The following CDC73 variants were observed in gnomAD, a reference collection of about 807,000 sequenced individuals.
CDC73 encodes parafibromin.
A neutral mutation model predicts 83.7 loss-of-function variants in CDC73; 21 were observed. The ratio of observed to expected loss-of-function variants is 0.25; its 90% CI spans 0.18 to 0.36. CDC73 has a LOEUF of 0.36. Among genes scored for constraint, CDC73 ranks in the 10% least tolerant of loss-of-function variants. The probability of loss-of-function intolerance (pLI) is 1.00; values close to 1 mark genes in which losing one functional copy is unlikely to be tolerated. For synonymous variants in CDC73, 224 were observed against 212.9 expected, an observed-to-expected ratio of 1.05 and a Z score of -0.45; for missense variants, 342 against 653.3, an observed-to-expected ratio of 0.52 and a Z score of 5.19.
intron 15 of CDC73, among the ~76,000 whole-genome samples, chr1:193,243,120 A>G (rs774011073): frequency 1.3e-5 from 2 of 151,666 alleles, no homozygotes; most frequent in South Asian, 2.1e-4. Flanking sequence ...TAATTTTTCT[A>G]TTTGTAGTAG....
chr1:193,145,255 A>G (rs1675976558), intron 7 of CDC73, among the ~76,000 whole-genome samples: 1 of 152,172 alleles, frequency 6.6e-6, no homozygotes, highest in Admixed American at 6.5e-5. Flanking sequence ...TCCATGTTGC[A>G]TTAACCTTTA....
chr1:193,170,693 T>C lies in CDC73; in HGVS notation c.972+18249T>C, dbSNP rs145467851. ...GGATATTTGACCTTTGTTGGATGCATAGTTTGCAAAAATTTTCCCATATTT... is the reference window on the plus strand; with the variant it reads ...GGATATTTGACCTTTGTTGGATGCACAGTTTGCAAAAATTTTCCCATATTT... On this transcript the variant is annotated intron_variant, in intron 10 of 16. Coordinates refer to ENST00000367435, the MANE Select transcript of CDC73 (RefSeq NM_024529.5). Among the ~76,000 whole-genome samples, 277 of 152,336 alleles carry C rather than the reference T, an allele frequency of 1.8e-3. 3 individuals carry two copies. The highest frequency in any genetic ancestry group is 2.6e-4 in the Non-Finnish European group (18 of 68,024).
At chr1:193,194,263 G>A (rs1476762559) in intron 10 of CDC73, among the ~76,000 whole-genome samples, 1 of 152,096 alleles carries the variant, frequency 6.6e-6, no homozygotes, top group African/African-American at 2.4e-5. Flanking sequence ...AGCAGAATTG[G>A]ACCTTTGAGG....
At chr1:193,229,420 A>C (rs1677618479) in intron 13 of CDC73, among the ~76,000 whole-genome samples, 1 of 152,252 alleles carries the variant, frequency 6.6e-6, no homozygotes, top group African/African-American at 2.4e-5. Flanking sequence ...CTCTGCCCTC[A>C]CAAATAGGAT....
At chr1:193,172,307 T>C (rs1676529855) in intron 10 of CDC73, among the ~76,000 whole-genome samples, 1 of 151,916 alleles carries the variant, frequency 6.6e-6, no homozygotes, top group Non-Finnish European at 1.5e-5. Flanking sequence ...CCAACTGATT[T>C]ATAACAGCAT....
At chr1:193,219,599 G>A (rs1677431360) in intron 13 of CDC73, among the ~76,000 whole-genome samples, 1 of 152,134 alleles carries the variant, frequency 6.6e-6, no homozygotes, top group African/African-American at 2.4e-5. Context: ...CAACATGGAT[G>A]CAGCTGGAAG....
chr1:193,217,162 C>T (rs1677382204), intron 13 of CDC73, among the ~76,000 whole-genome samples: 3 of 152,168 alleles, frequency 2.0e-5, no homozygotes, highest in East Asian at 3.9e-4. Context: ...GCTGAAACCT[C>T]TAGGGGAGCA....
intron 10 of CDC73, among the ~76,000 whole-genome samples, chr1:193,195,415 T>G (rs1572190631): frequency 6.6e-6 from 1 of 152,184 alleles, no homozygotes; most frequent in African/African-American, 2.4e-5. Context: ...TTCATTAGAG[T>G]TATTCCTACT....
At chr1:193,202,270 C>G (rs1489831825) in intron 10 of CDC73, among the ~76,000 whole-genome samples, 1 of 152,018 alleles carries the variant, frequency 6.6e-6, no homozygotes, top group East Asian at 1.9e-4. Context: ...TATTATGCTC[C>G]AGGTACTGGA....
intron 15 of CDC73, among the ~76,000 whole-genome samples, chr1:193,247,107 A>AT (rs1022061911): frequency 9.2e-5 from 14 of 151,726 alleles, no homozygotes; most frequent in East Asian, 7.7e-4. Context: ...GCTTTGCAGA[A>AT]TTTTTTTTTG....
At position 193,191,578 on chromosome 1, in the gene CDC73, C is replaced by T. The variant is rs543820184; in HGVS notation, c.973-12217C>T. Among the ~76,000 whole-genome samples, 21 of 151,974 alleles carry T rather than the reference C, an allele frequency of 1.4e-4. 1 individual carries two copies. Among genetic ancestry groups the T allele is most frequent in the Admixed American group, 1.0e-3 (16 of 15,248 alleles). On this transcript the variant is annotated intron_variant, in intron 10 of 16. Coordinates refer to ENST00000367435, the MANE Select transcript of CDC73 (RefSeq NM_024529.5). ...AATTTTTGTATTTTTAGTAGAGTCG[C>T]GGTTTCGTCATGTTGCAGGCTGGTC...
In CDC73 at chr1:193,135,470, AT is replaced by A. The variant is rs1558282385; in HGVS notation, c.370+20del. On this transcript the variant is annotated intron_variant, in intron 4 of 16. Transcript: ENST00000367435. ...CTACTCAAGGTATGTCTTGTTGCAT[AT>A]TTATATTGAACTTTCAGAAGCCCAT... 1 of 1,611,412 alleles carries A rather than the reference AT, an allele frequency of 6.2e-7. No homozygotes were observed. The highest frequency in any genetic ancestry group is 1.3e-5 in the African/African-American group (1 of 74,976).
At chr1:193,237,868 A>C (rs902878551) in intron 15 of CDC73, among the ~76,000 whole-genome samples, 6 of 152,196 alleles carry the variant, frequency 3.9e-5, no homozygotes, top group Non-Finnish European at 8.8e-5. Context: ...GGGCCCGGCA[A>C]CTGACATTAT....
chr1:193,179,239 A>G (rs563044855), intron 10 of CDC73: 1 of 152,322 alleles, frequency 6.6e-6, no homozygotes, highest in Admixed American at 6.5e-5. Context: ...CACTCCAAGA[A>G]AGAAATAGGT....
At chr1:193,232,573 A>C (rs1242621466) in intron 13 of CDC73, among the ~76,000 whole-genome samples, 2 of 152,192 alleles carry the variant, frequency 1.3e-5, no homozygotes, top group Non-Finnish European at 2.9e-5. Flanking sequence ...TTTATTTAAA[A>C]ACAAACATCT....
chr1:193,232,479 A>C (rs556100381), intron 13 of CDC73, among the ~76,000 whole-genome samples: 3 of 152,108 alleles, frequency 2.0e-5, no homozygotes, highest in African/African-American at 7.2e-5. Flanking sequence ...CACACACCCA[A>C]CTTAGGGTCT....
Position 193,122,172 on chromosome 1 carries a change from C to G in CDC73, c.-29C>G. ...CAGGCGCGGCGGCAGCGGCGGCGCC[C>G]CGAGCCGGCGGAGGCGAGGGGGGGG... On this transcript the variant is annotated 5_prime_UTR_variant, in exon 1 of 17. Coordinates refer to ENST00000367435, the MANE Select transcript of CDC73 (RefSeq NM_024529.5). 6.2e-7 allele frequency: 1 copy of G among 1,610,576 alleles called. No homozygotes were observed. Among genetic ancestry groups the G allele is most frequent in the Middle Eastern group, 1.7e-4 (1 of 6,048 alleles).
chr1:193,203,736 A>G (rs1157725299), intron 10 of CDC73, 59 bp from the exon 11 acceptor site: 4 of 1,294,332 alleles, frequency 3.1e-6, no homozygotes, highest in African/African-American at 3.0e-5. Flanking sequence ...TGGAATAATT[A>G]AAGTGTTTAT....
intron 10 of CDC73, among the ~76,000 whole-genome samples, chr1:193,177,242 G>A (rs866609229): frequency 4.0e-5 from 6 of 150,864 alleles, no homozygotes; most frequent in Admixed American, 6.6e-5. Flanking sequence ...CATGATCCTC[G>A]GCCGGGCGCG....
Sources: allele counts gnomAD v4.1 joint callset (sites outside exome capture counted in the v4.1 genomes callset), GRCh38; gene constraint gnomAD v4.1.1; transcripts MANE v1.5; gene names NCBI Gene and HGNC (gene_info 2026-07-23, HGNC 2026-07-21).